TAOK3: variants seen among roughly 807,000 people sequenced by gnomAD.
The protein encoded by TAOK3 is serine/threonine-protein kinase TAO3.
A neutral mutation model predicts 120.4 loss-of-function variants in TAOK3; 40 were observed. The observed-to-expected ratio is 0.33, with a 90% CI of 0.26 to 0.43. The LOEUF (loss-of-function observed/expected upper bound fraction) is 0.43. Among genes scored for constraint, TAOK3 ranks in the 20% least tolerant of loss-of-function variants. The pLI, the probability that TAOK3 is intolerant of heterozygous loss-of-function variation, is 1.00. For missense variants in TAOK3, 821 were observed against 1,112.1 expected (o/e 0.74, Z 3.72); for synonymous variants, 355 against 387.5 (o/e 0.92, Z 0.99).
chr12:118,213,496 G>GC (rs1200925651), intron 10 of TAOK3, among the ~76,000 whole-genome samples: 1 of 151,828 alleles, frequency 6.6e-6, no homozygotes, highest in Non-Finnish European at 1.5e-5. Flanking sequence ...CTTTAATATT[G>GC]CCCCTTTTAA....
At chr12:118,199,326 G>A (rs575050858) in intron 12 of TAOK3, 69 bp from the exon 13 acceptor site, 89 of 1,272,072 alleles carry the variant, frequency 7.0e-5, no homozygotes, top group Admixed American at 2.8e-4. Context: ...TGACAAAAGT[G>A]TCAAGCACAC....
intron 3 of TAOK3, among the ~76,000 whole-genome samples, chr12:118,251,504 A>T (rs1413327756): frequency 6.6e-6 from 1 of 152,030 alleles, no homozygotes; most frequent in Non-Finnish European, 1.5e-5. Context: ...TATCAATGCC[A>T]CTCTGCTACC....
chr12:118,154,251 A>G (rs1484235194), intron 19 of TAOK3, among the ~76,000 whole-genome samples: 1 of 152,198 alleles, frequency 6.6e-6, no homozygotes, highest in Non-Finnish European at 1.5e-5. Flanking sequence ...GACCATCTAA[A>G]CATCTAAATA....
chr12:118,219,971 C>G (rs2139621109), intron 9 of TAOK3, among the ~76,000 whole-genome samples: 1 of 150,160 alleles, frequency 6.7e-6, no homozygotes, highest in East Asian at 2.0e-4. Context: ...ACCCTCCCCC[C>G]TTCCTTCCTT....
chr12:118,275,936 C>A (rs1204957345), intron 1 of TAOK3, among the ~76,000 whole-genome samples: 1 of 152,014 alleles, frequency 6.6e-6, no homozygotes, highest in Non-Finnish European at 1.5e-5. Flanking sequence ...GAGGGAATAG[C>A]AAGATTGTTT....
chr12:118,196,050 A>AGAATAAAT (rs2037707742), intron 13 of TAOK3, among the ~76,000 whole-genome samples: 1 of 138,140 alleles, frequency 7.2e-6, no homozygotes, highest in African/African-American at 2.7e-5. Flanking sequence ...ACTCCATCTC[A>AGAATAAAT]AAATAAATAA....
chr12:118,292,004 G>A (rs2042503430), intron 1 of TAOK3, among the ~76,000 whole-genome samples: 2 of 151,936 alleles, frequency 1.3e-5, no homozygotes, highest in African/African-American at 2.4e-5. Flanking sequence ...TAGTGAAGAC[G>A]GGGTTTCACC....
chr12:118,352,023 G>A (rs1242789147), intron 1 of TAOK3, among the ~76,000 whole-genome samples: 6 of 151,204 alleles, frequency 4.0e-5, no homozygotes, highest in African/African-American at 7.3e-5. Context: ...ACAGGCACCC[G>A]CCACCGCGCC....
intron 14 of TAOK3, among the ~76,000 whole-genome samples, chr12:118,185,210 A>G (rs1411273959): frequency 6.6e-6 from 1 of 152,210 alleles, no homozygotes; most frequent in Non-Finnish European, 1.5e-5. Flanking sequence ...TGAAAAATAA[A>G]CAAATAATAA....
rs565266821 is a variant in TAOK3, at chr12:118,289,571, A to G, written c.-193-22812T>C. Among the ~76,000 whole-genome samples the G allele has an allele frequency of 1.1e-4, 17 of 152,316 alleles. No individual in the cohort carries two copies. In the East Asian group the frequency reaches 3.1e-3, roughly 28 times the overall value. ...ACTCTTTAAATTTATTTGATCTTTC[A>G]ACAATACTATCTCTAAATACGAACA... On this transcript the variant is annotated intron_variant, in intron 1 of 20. Coordinates refer to ENST00000392533, the MANE Select transcript of TAOK3 (RefSeq NM_016281.4).
At chr12:118,241,475 AGAAT>A (rs1306522149) in intron 5 of TAOK3, among the ~76,000 whole-genome samples, 2 of 152,256 alleles carry the variant, frequency 1.3e-5, no homozygotes, top group African/African-American at 2.4e-5. Context: ...AAAACTGAAT[AGAAT>A]GAATATGTTT....
chr12:118,294,981 A>G (rs1018559951), intron 1 of TAOK3, among the ~76,000 whole-genome samples: 1 of 152,122 alleles, frequency 6.6e-6, no homozygotes, highest in Admixed American at 6.6e-5. Context: ...GGACGCACTG[A>G]GTTGTATGCT....
chr12:118,366,549 A>T (rs2045746539), intron 1 of TAOK3, among the ~76,000 whole-genome samples: 1 of 152,194 alleles, frequency 6.6e-6, no homozygotes, highest in African/African-American at 2.4e-5. Context: ...TCTCTTATTG[A>T]CACTCAAAAA....
intron 1 of TAOK3, among the ~76,000 whole-genome samples, chr12:118,298,802 G>T (rs1439885745): frequency 6.6e-6 from 1 of 152,212 alleles, no homozygotes; most frequent in Non-Finnish European, 1.5e-5. Flanking sequence ...ATTTCCAGAA[G>T]TTGGTATATT....
intron 9 of TAOK3, among the ~76,000 whole-genome samples, chr12:118,223,498 C>A (rs1294483521): frequency 6.6e-6 from 1 of 151,736 alleles, no homozygotes; most frequent in Non-Finnish European, 1.5e-5. Flanking sequence ...AGGCGCCCGG[C>A]ACCACGTCTG....
At chr12:118,317,117 G>T (rs1246956367) in intron 1 of TAOK3, among the ~76,000 whole-genome samples, 1 of 151,958 alleles carries the variant, frequency 6.6e-6, no homozygotes, top group Admixed American at 6.5e-5. Flanking sequence ...ACAAAAATTA[G>T]CTGGGTGTGG....
intron 9 of TAOK3, among the ~76,000 whole-genome samples, chr12:118,220,675 ACT>A (rs1454829313): frequency 6.6e-6 from 1 of 151,994 alleles, no homozygotes; most frequent in Non-Finnish European, 1.5e-5. Flanking sequence ...CACAAAGAAA[ACT>A]CAGTTCAATA....
intron 1 of TAOK3, among the ~76,000 whole-genome samples, chr12:118,363,311 A>G (rs2045656029): frequency 1.3e-5 from 2 of 152,158 alleles, no homozygotes; most frequent in Admixed American, 6.5e-5. Flanking sequence ...ACAATTGCAC[A>G]CAGAATTGTA....
chr12:118,198,807 T>G, intron 13 of TAOK3: 1 of 521,052 alleles, frequency 1.9e-6, no homozygotes, highest in Non-Finnish European at 3.5e-6. Flanking sequence ...ATCAAATTCT[T>G]CAACTTATTT....
Sources: allele counts gnomAD v4.1 joint callset (sites outside exome capture counted in the v4.1 genomes callset), GRCh38; gene constraint gnomAD v4.1.1; transcripts MANE v1.5; gene names NCBI Gene and HGNC (gene_info 2026-07-23, HGNC 2026-07-21).